Variants in MAP3K5 observed in about 807,000 individuals in gnomAD.
MAP3K5 encodes mitogen-activated protein kinase kinase kinase 5, also known as ASK-1.
A neutral mutation model predicts 158.7 loss-of-function variants in MAP3K5; 56 were observed. That is an observed-to-expected ratio of 0.35 (90% confidence interval 0.28 to 0.44). The LOEUF is 0.44. Ranked by LOEUF, MAP3K5 falls within the 20% of genes least tolerant of loss-of-function variation. MAP3K5 has a pLI of 1.00. For synonymous variants in MAP3K5, 579 were observed against 601.7 expected, an observed-to-expected ratio of 0.96 and a Z score of 0.55; for missense variants, 1,294 against 1,674.8, an observed-to-expected ratio of 0.77 and a Z score of 3.97.
chr6:136,657,934 T>C (rs963258914), intron 9 of MAP3K5, among the ~76,000 whole-genome samples: 3 of 152,232 alleles, frequency 2.0e-5, no homozygotes, highest in South Asian at 2.1e-4. Context: ...GACAAAATGA[T>C]GGACTTTATT....
At chr6:136,736,228 T>C (rs1263580978) in intron 1 of MAP3K5, among the ~76,000 whole-genome samples, 5 of 152,180 alleles carry the variant, frequency 3.3e-5, no homozygotes, top group Admixed American at 2.6e-4. Context: ...ATTCTTAATG[T>C]GTCAACGAAT....
chr6:136,780,562 T>C (rs1479449804), intron 1 of MAP3K5, among the ~76,000 whole-genome samples: 1 of 152,198 alleles, frequency 6.6e-6, no homozygotes, highest in Non-Finnish European at 1.5e-5. Flanking sequence ...AAATTATAGT[T>C]TAGAACATTG....
At chr6:136,735,803 C>T (rs1782432636) in intron 1 of MAP3K5, among the ~76,000 whole-genome samples, 1 of 151,904 alleles carries the variant, frequency 6.6e-6, no homozygotes, top group African/African-American at 2.4e-5. Flanking sequence ...TACTCCAATC[C>T]GGGTGACAGA....
intron 1 of MAP3K5, among the ~76,000 whole-genome samples, chr6:136,787,619 A>G (rs6912539): frequency 0.66 from 100,194 of 152,060 alleles, 33,479 homozygotes; most frequent in African/African-American, 0.77. Flanking sequence ...ATCCCATGCC[A>G]CCTTGCCTTT....
At chr6:136,659,469 C>A in intron 8 of MAP3K5, 91 bp from the exon 9 acceptor site, 1 of 1,197,128 alleles carries the variant, frequency 8.4e-7, no homozygotes, top group South Asian at 1.3e-5. Context: ...AGCTTTCATT[C>A]CTCTTTTCAG....
chr6:136,611,107 CAAAAAAAAAAAA>C (rs59508317), intron 18 of MAP3K5, among the ~76,000 whole-genome samples, 163 bp downstream of exon 18: 2 of 24,434 alleles, frequency 8.2e-5, no homozygotes, highest in Non-Finnish European at 1.7e-4. Flanking sequence ...GACCCTGTCT[CAAAAAAAAAAAA>C]AAAAAAAAAA....
chr6:136,591,831 A>C (rs1775400200), intron 23 of MAP3K5, among the ~76,000 whole-genome samples: 1 of 152,258 alleles, frequency 6.6e-6, no homozygotes, highest in Non-Finnish European at 1.5e-5. Context: ...TTAGCAACTC[A>C]CATGGCTTAA....
intron 28 of MAP3K5, among the ~76,000 whole-genome samples, chr6:136,560,325 CA>C (rs1259100485): frequency 1.3e-5 from 2 of 151,984 alleles, no homozygotes; most frequent in Non-Finnish European, 2.9e-5. Context: ...ACTAAAAGTA[CA>C]AAAATTAGCC....
chr6:136,617,013 G>A (rs963686846), intron 15 of MAP3K5, among the ~76,000 whole-genome samples: 25 of 152,124 alleles, frequency 1.6e-4, no homozygotes, highest in Middle Eastern at 6.8e-3. Flanking sequence ...CCACCATACC[G>A]GGCCCTCAGT....
chr6:136,608,022 G>A (rs1198870326), intron 18 of MAP3K5, among the ~76,000 whole-genome samples: 1 of 152,174 alleles, frequency 6.6e-6, no homozygotes, highest in African/African-American at 2.4e-5. Context: ...TCTGCGTTGA[G>A]ACTGGAAGAA....
chr6:136,733,315 G>C (rs568330404), intron 1 of MAP3K5, among the ~76,000 whole-genome samples: 2 of 152,132 alleles, frequency 1.3e-5, no homozygotes, highest in African/African-American at 2.4e-5. Context: ...CACAGCATTC[G>C]ATGATGGTTT....
chr6:136,599,967 C>T (rs1052629910), intron 21 of MAP3K5, among the ~76,000 whole-genome samples: 2 of 152,074 alleles, frequency 1.3e-5, no homozygotes, highest in Non-Finnish European at 1.5e-5. Context: ...TCCCCAGATT[C>T]TCAGAATGGA....
chr6:136,669,730 T>C (rs893623769), intron 7 of MAP3K5, among the ~76,000 whole-genome samples: 3 of 152,110 alleles, frequency 2.0e-5, no homozygotes, highest in Non-Finnish European at 4.4e-5. Flanking sequence ...ACTCTAAATA[T>C]CCAATAATAT....
chr6:136,657,532 T>A (rs895513585), intron 9 of MAP3K5, among the ~76,000 whole-genome samples: 1 of 152,220 alleles, frequency 6.6e-6, no homozygotes, highest in Non-Finnish European at 1.5e-5. Flanking sequence ...TATCATTTGC[T>A]GAATGCCTAC....
At chr6:136,645,522 G>C (rs945970509) in intron 11 of MAP3K5, among the ~76,000 whole-genome samples, 2 of 152,086 alleles carry the variant, frequency 1.3e-5, no homozygotes, top group Non-Finnish European at 2.9e-5. Flanking sequence ...AAAAGGGGGG[G>C]AAATTCTAAA....
At chr6:136,654,419 A>C (rs1778653867) in intron 10 of MAP3K5, among the ~76,000 whole-genome samples, 1 of 152,094 alleles carries the variant, frequency 6.6e-6, no homozygotes, top group African/African-American at 2.4e-5. Context: ...TAAATTTTTT[A>C]TTCTTCTTTT....
chr6:136,650,600 T>C (rs1778476340), intron 11 of MAP3K5, among the ~76,000 whole-genome samples: 1 of 152,224 alleles, frequency 6.6e-6, no homozygotes. Context: ...CAGTGTAAGA[T>C]TAAAAGTGGC....
intron 1 of MAP3K5, among the ~76,000 whole-genome samples, chr6:136,739,751 A>C (rs9483946): frequency 0.13 from 20,411 of 152,174 alleles, 4,606 homozygotes; most frequent in African/African-American, 0.47. Flanking sequence ...AAGGTGCAGA[A>C]ATTTTCCAGC....
chr6:136,673,882 A>T (rs1779592077), intron 7 of MAP3K5, among the ~76,000 whole-genome samples: 1 of 152,100 alleles, frequency 6.6e-6, no homozygotes, highest in South Asian at 2.1e-4. Context: ...TTCAAAACTG[A>T]TGAAAACATC....
Sources: allele counts gnomAD v4.1 joint callset (sites outside exome capture counted in the v4.1 genomes callset), GRCh38; gene constraint gnomAD v4.1.1; transcripts MANE v1.5; gene names NCBI Gene and HGNC (gene_info 2026-07-23, HGNC 2026-07-21).